The following SOX5 variants were observed in gnomAD, a reference collection of about 807,000 sequenced individuals.
The protein encoded by SOX5 is transcription factor SOX-5.
A neutral mutation model predicts 92.0 loss-of-function variants in SOX5; 9 were observed. The ratio of observed to expected loss-of-function variants is 0.10; its 90% CI spans 0.06 to 0.17. The LOEUF is 0.17. SOX5 is among the 10% of genes least tolerant of loss of function. The pLI, the probability that SOX5 is intolerant of heterozygous loss-of-function variation, is 1.00. For missense variants in SOX5, 642 were observed against 944.5 expected, an observed-to-expected ratio of 0.68 and a Z score of 4.20; for synonymous variants, 344 against 336.3, an observed-to-expected ratio of 1.02 and a Z score of -0.25.
chr12:24,539,003 A>G (rs574569517), intron 1 of SOX5, among the ~76,000 whole-genome samples: 5 of 152,308 alleles, frequency 3.3e-5, no homozygotes, highest in African/African-American at 9.6e-5. Flanking sequence ...TTTGTTGTCA[A>G]AAAGTCATGG....
In SOX5 at chr12:23,543,167, T is replaced by C. The variant is rs150907981; in HGVS notation, c.1771+44A>G. 1,204 of 1,531,620 alleles carry C rather than the reference T, an allele frequency of 7.9e-4. 10 individuals are homozygous for C. In the African/African-American group the frequency reaches 0.014, roughly 18 times the overall value. 94.9% of individuals were successfully genotyped at this position (1,531,620 alleles called of 1,614,324 possible). ...TCCACAACTGCAGAAAACAGAACAGTACCTTTATTCCATACGTCACTTAGT... is the reference window on the plus strand; with the variant it reads ...TCCACAACTGCAGAAAACAGAACAGCACCTTTATTCCATACGTCACTTAGT... On this transcript the variant is annotated intron_variant, in intron 13 of 14. Transcript: ENST00000451604.
intron 9 of SOX5, among the ~76,000 whole-genome samples, chr12:23,591,271 TATG>T (rs1951507740): frequency 6.6e-6 from 1 of 152,076 alleles, no homozygotes; most frequent in African/African-American, 2.4e-5. Flanking sequence ...TATTACAAAC[TATG>T]ATAACTAGGG....
rs138945100 is a variant in SOX5 at position 24,409,589 on chromosome 12, G to A, written c.-250-40950C>T. On this transcript the variant is annotated intron_variant, in intron 1 of 4. Coordinates refer to the SOX5 transcript ENST00000446891. ...AGGAGTGCATTGCTAGGTTATATAC[G>A]GCAGATGAATGTTGTTTTTTCCTCC... 1.7e-3 allele frequency among the ~76,000 whole-genome samples: 265 copies of A among 152,038 alleles called. 1 individual carries two copies. Among genetic ancestry groups the A allele is most frequent in the African/African-American group, 6.2e-3 (256 of 41,458 alleles).
At chr12:23,762,368 C>T in intron 3 of SOX5, 3 of 357,342 alleles carry the variant, frequency 8.4e-6, no homozygotes, top group Middle Eastern at 1.5e-3. Flanking sequence ...TGTGAATAGC[C>T]ACCACACTCC....
intron 3 of SOX5, among the ~76,000 whole-genome samples, chr12:23,839,990 CAAAAAAAA>C (rs142394109): frequency 8.2e-6 from 1 of 121,856 alleles, no homozygotes; most frequent in African/African-American, 3.2e-5. Context: ...CTCAAGAAGA[CAAAAAAAA>C]AAAAAAAAAA....
At chr12:24,448,395 A>G (rs61910419) in intron 1 of SOX5, among the ~76,000 whole-genome samples, 15,053 of 152,190 alleles carry the variant, frequency 0.099, 884 homozygotes, top group South Asian at 0.16. Context: ...CCATTCACAA[A>G]AAGGAAGAAC....
chr12:24,067,099 G>T (rs1443470999), intron 4 of SOX5, among the ~76,000 whole-genome samples: 1 of 152,190 alleles, frequency 6.6e-6, no homozygotes, highest in Non-Finnish European at 1.5e-5. Flanking sequence ...AACTCTGATT[G>T]ACATGAAAGA....
chr12:24,062,881 T>G (rs368749670), intron 4 of SOX5, among the ~76,000 whole-genome samples: 1 of 152,194 alleles, frequency 6.6e-6, no homozygotes, highest in Non-Finnish European at 1.5e-5. Context: ...ACTGCTACTA[T>G]TGATAACAAA....
intron 1 of SOX5, among the ~76,000 whole-genome samples, chr12:24,398,504 C>A (rs139741000): frequency 6.6e-6 from 1 of 152,216 alleles, no homozygotes; most frequent in Non-Finnish European, 1.5e-5. Context: ...AACCTGTCCC[C>A]CGTCTAGAAA....
At chr12:23,832,873 A>G (rs923441932) in intron 3 of SOX5, among the ~76,000 whole-genome samples, 17 of 151,924 alleles carry the variant, frequency 1.1e-4, no homozygotes, top group Non-Finnish European at 1.6e-4. Flanking sequence ...CAAAATAGAT[A>G]AAATTATACC....
At chr12:24,206,882 A>G (rs1958074778) in intron 4 of SOX5, among the ~76,000 whole-genome samples, 1 of 152,224 alleles carries the variant, frequency 6.6e-6, no homozygotes, top group Admixed American at 6.5e-5. Context: ...GAGTGCCACA[A>G]ACCAGTAGTG....
intron 8 of SOX5, among the ~76,000 whole-genome samples, chr12:23,630,129 A>G (rs935415468): frequency 2.0e-5 from 3 of 151,994 alleles, no homozygotes; most frequent in Admixed American, 2.0e-4. Context: ...ATATTACATT[A>G]AAAGCACCTA....
At chr12:24,297,087 T>C (rs1947353859) in intron 2 of SOX5, among the ~76,000 whole-genome samples, 1 of 152,232 alleles carries the variant, frequency 6.6e-6, no homozygotes, top group Non-Finnish European at 1.5e-5. Flanking sequence ...CTAAGTCGTT[T>C]ACAGTTTTAA....
chr12:24,273,120 G>A (rs1056156781), intron 3 of SOX5, among the ~76,000 whole-genome samples: 7 of 152,182 alleles, frequency 4.6e-5, no homozygotes, highest in East Asian at 1.9e-4. Context: ...CCTGTTAAGC[G>A]TGGTGACATG....
At chr12:24,538,317 C>G (rs916668358) in intron 1 of SOX5, among the ~76,000 whole-genome samples, 2 of 152,118 alleles carry the variant, frequency 1.3e-5, no homozygotes, top group Admixed American at 1.3e-4. Flanking sequence ...TGACCCTTTT[C>G]ACTTAAACAT....
chr12:24,381,901 G>A (rs1235657481), intron 1 of SOX5, among the ~76,000 whole-genome samples: 2 of 152,102 alleles, frequency 1.3e-5, no homozygotes, highest in South Asian at 2.1e-4. Flanking sequence ...CTTCCTACAT[G>A]GAATTCAAAA....
chr12:23,814,039 C>T (rs192586109), intron 3 of SOX5, among the ~76,000 whole-genome samples: 114 of 151,968 alleles, frequency 7.5e-4, no homozygotes, highest in Middle Eastern at 3.4e-3. Context: ...TATTAAAATG[C>T]TTTTTCTTTT....
intron 10 of SOX5, among the ~76,000 whole-genome samples, chr12:23,570,922 A>T (rs1697281440): frequency 2.3e-5 from 1 of 43,150 alleles, no homozygotes; most frequent in African/African-American, 8.5e-5. Flanking sequence ...AAAAAAAAAA[A>T]AAAAAAAAAT....
At chr12:23,995,648 C>A (rs561396984) in intron 4 of SOX5, among the ~76,000 whole-genome samples, 1 of 152,132 alleles carries the variant, frequency 6.6e-6, no homozygotes, top group African/African-American at 2.4e-5. Flanking sequence ...TAGTGAGCTA[C>A]GATCATGCCA....
Sources: allele counts gnomAD v4.1 joint callset (sites outside exome capture counted in the v4.1 genomes callset), GRCh38; gene constraint gnomAD v4.1.1; transcripts MANE v1.5; gene names NCBI Gene and HGNC (gene_info 2026-07-23, HGNC 2026-07-21).